Variants in GOLIM4 observed in about 807,000 individuals in gnomAD.
The protein encoded by GOLIM4 is golgi integral membrane protein 4.
GOLIM4 carries 71 observed loss-of-function variants against 107.4 expected under a neutral mutation model. The observed-to-expected ratio is 0.66, with a 90% CI of 0.55 to 0.81. The LOEUF is 0.81. Among genes scored for constraint, GOLIM4 ranks in the 30% least tolerant of loss-of-function variants. The pLI, the probability that GOLIM4 is intolerant of heterozygous loss-of-function variation, is 0.00. For synonymous variants in GOLIM4, 327 were observed against 294.8 expected (o/e 1.11, Z -1.12); for missense variants, 830 against 826.1 (o/e 1.00, Z -0.06).
intron 10 of GOLIM4, 71 bp downstream of exon 10, chr3:168,029,709 A>C: frequency 6.4e-7 from 1 of 1,559,686 alleles, no homozygotes; most frequent in Non-Finnish European, 8.7e-7. Context: ...AAATGCACAA[A>C]ACTGTTTTTA....
chr3:168,067,095 G>A (rs981727673), intron 1 of GOLIM4, among the ~76,000 whole-genome samples: 2 of 151,996 alleles, frequency 1.3e-5, no homozygotes, highest in Admixed American at 6.5e-5. Context: ...TTCATGCTTA[G>A]TTCTTTCACT....
At chr3:168,050,301 G>T (rs540605005) in intron 1 of GOLIM4, among the ~76,000 whole-genome samples, 45 of 152,298 alleles carry the variant, frequency 3.0e-4, no homozygotes, top group Non-Finnish European at 5.7e-4. Flanking sequence ...TGTATGGAGT[G>T]TAAGCCCCTT....
At chr3:168,082,195 C>A (rs1431157543) in intron 1 of GOLIM4, among the ~76,000 whole-genome samples, 1 of 152,146 alleles carries the variant, frequency 6.6e-6, no homozygotes, top group African/African-American at 2.4e-5. Context: ...TCAGGACGTT[C>A]ATGAACCACC....
intron 1 of GOLIM4, among the ~76,000 whole-genome samples, chr3:168,066,197 G>C (rs1720536787): frequency 6.6e-6 from 1 of 151,502 alleles, no homozygotes. Flanking sequence ...TTTCTGCAAA[G>C]TATCTGAAAA....
intron 14 of GOLIM4, among the ~76,000 whole-genome samples, chr3:168,021,098 CA>C (rs1717652465): frequency 6.6e-6 from 1 of 152,094 alleles, no homozygotes; most frequent in African/African-American, 2.4e-5. Flanking sequence ...TCTGATGACA[CA>C]AAGTTTAATA....
chr3:168,058,336 T>C (rs1360736723), intron 1 of GOLIM4, among the ~76,000 whole-genome samples: 1 of 152,212 alleles, frequency 6.6e-6, no homozygotes, highest in Non-Finnish European at 1.5e-5. Context: ...AATTGAGATT[T>C]GGCTTTTTCA....
intron 1 of GOLIM4, among the ~76,000 whole-genome samples, chr3:168,064,229 G>T (rs2065313257): frequency 6.6e-6 from 1 of 152,120 alleles, no homozygotes; most frequent in South Asian, 2.1e-4. Flanking sequence ...GTAGAGATTT[G>T]TCACTCCCAC....
At chr3:168,048,986 T>C (rs1229791082) in intron 1 of GOLIM4, among the ~76,000 whole-genome samples, 2 of 152,100 alleles carry the variant, frequency 1.3e-5, no homozygotes, top group African/African-American at 4.8e-5. Flanking sequence ...AAAGAATTTA[T>C]AAAAGGGTCC....
At chr3:168,079,416 G>C (rs1272049332) in intron 1 of GOLIM4, among the ~76,000 whole-genome samples, 1 of 152,152 alleles carries the variant, frequency 6.6e-6, no homozygotes, top group Non-Finnish European at 1.5e-5. Flanking sequence ...GACAATTTTT[G>C]AATGAGATGA....
intron 3 of GOLIM4, 67 bp from the exon 4 acceptor site, chr3:168,044,948 A>AGCACTT: frequency 1.2e-6 from 1 of 851,042 alleles, no homozygotes; most frequent in Non-Finnish European, 1.9e-6. Flanking sequence ...TACAGCTTAA[A>AGCACTT]GCACTTTAAA....
At chr3:168,023,225 T>C (rs528844873) in intron 14 of GOLIM4, among the ~76,000 whole-genome samples, 1 of 152,328 alleles carries the variant, frequency 6.6e-6, no homozygotes, top group South Asian at 2.1e-4. Flanking sequence ...CTAGACATCC[T>C]GTTATATGAG....
At chr3:168,064,722 C>T (rs1577557281) in intron 1 of GOLIM4, among the ~76,000 whole-genome samples, 4 of 146,450 alleles carry the variant, frequency 2.7e-5, no homozygotes, top group Admixed American at 2.6e-4. Flanking sequence ...CAGGCAAAAT[C>T]CATGCCTGGC....
chr3:168,095,314 G>A lies in GOLIM4; in HGVS notation c.-29C>T. ...CCCGCCTGGACCCAAAGCCGCGGCCGCCCCCGCCGTCTCCTCCCCTTGGTC... is the reference window on the plus strand; with the variant it reads ...CCCGCCTGGACCCAAAGCCGCGGCCACCCCCGCCGTCTCCTCCCCTTGGTC... On this transcript the variant is annotated 5_prime_UTR_variant, in exon 1 of 16. Coordinates refer to ENST00000470487, the MANE Select transcript of GOLIM4 (RefSeq NM_014498.5). The A allele has an allele frequency of 1.3e-6, 2 of 1,594,736 alleles. No homozygotes were observed. The highest frequency in any genetic ancestry group is 2.0e-4 in the Middle Eastern group (1 of 5,030).
chr3:168,088,362 T>C lies in GOLIM4; in HGVS notation c.187+6737A>G, dbSNP rs142298780. On this transcript the variant is annotated intron_variant, in intron 1 of 15. Coordinates refer to ENST00000470487, the MANE Select transcript of GOLIM4 (RefSeq NM_014498.5). ...AAATAAAAAGAAGCCCAATGTTAAT[T>C]CAACAACAGTAGTTCTGGTCACCTA... Among the ~76,000 whole-genome samples, 1,288 of 152,250 alleles carry C rather than the reference T, an allele frequency of 8.5e-3. 10 individuals carry two copies. The highest frequency in any genetic ancestry group is 0.014 in the Admixed American group (216 of 15,294).
intron 1 of GOLIM4, among the ~76,000 whole-genome samples, chr3:168,068,475 T>C (rs1270230202): frequency 6.6e-6 from 1 of 152,218 alleles, no homozygotes; most frequent in Non-Finnish European, 1.5e-5. Context: ...TTACTGTTTA[T>C]ACGTCAACTT....
At chr3:168,050,703 A>G (rs1560090314) in intron 1 of GOLIM4, among the ~76,000 whole-genome samples, 1 of 152,080 alleles carries the variant, frequency 6.6e-6, no homozygotes, top group Non-Finnish European at 1.5e-5. Flanking sequence ...TGGACATATT[A>G]TAGACTGAAT....
rs1443563007 is a variant in GOLIM4 at position 168,030,044 on chromosome 3, G to A, written c.1177-8C>T. 3.7e-6 allele frequency: 6 copies of A among 1,612,788 alleles called. No homozygotes were observed. The highest frequency in any genetic ancestry group is 1.3e-5 in the African/African-American group (1 of 74,882). Reference sequence around the variant, plus strand: ...CTTGGCTGAAGGGTACACCTAGGGTGAAAAAGAGTTGGTGCAGAGCAAGAG... The same window carrying A: ...CTTGGCTGAAGGGTACACCTAGGGTAAAAAAGAGTTGGTGCAGAGCAAGAG... On this transcript the variant is annotated splice_polypyrimidine_tract_variant and splice_region_variant and intron_variant, in intron 9 of 15. Transcript: ENST00000470487.
chr3:168,044,759 G>A (rs1719205409), intron 4 of GOLIM4, 69 bp downstream of exon 4: 1 of 836,948 alleles, frequency 1.2e-6, no homozygotes, highest in South Asian at 1.6e-5. Flanking sequence ...CACTTTAAAG[G>A]CCATTAGTCA....
intron 1 of GOLIM4, among the ~76,000 whole-genome samples, chr3:168,050,886 G>C (rs1372327008): frequency 1.4e-5 from 2 of 147,804 alleles, no homozygotes; most frequent in African/African-American, 5.1e-5. Flanking sequence ...TAGCAGCATA[G>C]TCAAGAAAAA....
Sources: gnomAD v4.1 joint callset for allele counts (sites outside exome capture counted in the v4.1 genomes callset) on GRCh38, gnomAD v4.1.1 for gene constraint, MANE v1.5 for transcripts, NCBI Gene and HGNC (gene_info 2026-07-23, HGNC 2026-07-21) for gene names.